Variants in SMIM36 observed in about 807,000 individuals in gnomAD.
SMIM36 encodes the protein small integral membrane protein 36.
chr17:55,474,484 G>T (rs919356016), intron 3 of SMIM36, among the ~76,000 whole-genome samples: 15 of 152,210 alleles, frequency 9.9e-5, no homozygotes, highest in African/African-American at 2.9e-4. Context: ...CTTGGAGTCC[G>T]GACATCTGTA....
At chr17:55,493,809 A>T (rs199601646) in intron 1 of SMIM36, among the ~76,000 whole-genome samples, 787 of 21,618 alleles carry the variant, frequency 0.036, 20 homozygotes, top group African/African-American at 0.15. Context: ...TCTCTCTCTC[A>T]AAAAAAAAAA....
the SMIM36 span, among the ~76,000 whole-genome samples, chr17:55,517,023 A>C: frequency 6.6e-6 from 1 of 152,204 alleles, no homozygotes; most frequent in Admixed American, 6.5e-5. Context: ...TCCAAGGCAG[A>C]AAGGGTTCAG....
intron 1 of SMIM36, among the ~76,000 whole-genome samples, chr17:55,489,239 G>A (rs575533554): frequency 1.3e-5 from 2 of 152,030 alleles, no homozygotes; most frequent in Admixed American, 6.6e-5. Context: ...TTAGCTAAGC[G>A]TGGTGGTGCA....
intron 1 of SMIM36, among the ~76,000 whole-genome samples, chr17:55,493,440 G>A (rs975638674): frequency 2.0e-5 from 3 of 152,152 alleles, no homozygotes; most frequent in African/African-American, 7.2e-5. Context: ...GTCAACTGAA[G>A]CAGAGGTGTT....
At chr17:55,497,761 T>C (rs1262297369) in intron 1 of SMIM36, among the ~76,000 whole-genome samples, 1 of 152,136 alleles carries the variant, frequency 6.6e-6, no homozygotes, top group African/African-American at 2.4e-5. Context: ...TTGTGCAGCA[T>C]CGATTTCCTA....
chr17:55,464,317 C>T (rs958915119), intron 4 of SMIM36, among the ~76,000 whole-genome samples: 1 of 152,074 alleles, frequency 6.6e-6, no homozygotes, highest in Admixed American at 6.6e-5. Context: ...TGAACAAGCT[C>T]GACCTAGGCC....
At chr17:55,531,034 T>G in the SMIM36 span, among the ~76,000 whole-genome samples, 1 of 152,208 alleles carries the variant, frequency 6.6e-6, no homozygotes, top group Admixed American at 6.5e-5. Context: ...TTGTAGATTT[T>G]GCGGACTTTC....
intron 1 of SMIM36, among the ~76,000 whole-genome samples, chr17:55,480,979 A>G (rs1334471590): frequency 6.6e-6 from 1 of 152,206 alleles, no homozygotes; most frequent in Non-Finnish European, 1.5e-5. Context: ...GTCATAGTAA[A>G]AAACTAGAAG....
intron 1 of SMIM36, among the ~76,000 whole-genome samples, chr17:55,480,960 T>G (rs1344430082): frequency 6.6e-6 from 1 of 152,238 alleles, no homozygotes; most frequent in African/African-American, 2.4e-5. Flanking sequence ...TGAATTTAGC[T>G]GTCTTACAGT....
chr17:55,456,621 A>G (rs999781209), intron 4 of SMIM36, among the ~76,000 whole-genome samples: 1 of 152,188 alleles, frequency 6.6e-6, no homozygotes, highest in Non-Finnish European at 1.5e-5. Context: ...TTCAAGGACA[A>G]TGTGATTGTT....
upstream of SMIM36, among the ~76,000 whole-genome samples, chr17:55,512,229 A>C (rs1910193858): frequency 6.6e-6 from 1 of 152,232 alleles, no homozygotes; most frequent in African/African-American, 2.4e-5. Context: ...AGAACTGCAT[A>C]TGTGAAGACC....
intron 1 of SMIM36, among the ~76,000 whole-genome samples, chr17:55,491,070 C>G (rs1280947529): frequency 1.3e-5 from 2 of 151,862 alleles, no homozygotes; most frequent in African/African-American, 4.8e-5. Context: ...GCCTGGGCAA[C>G]ATAGTAAGAC....
intron 4 of SMIM36, among the ~76,000 whole-genome samples, chr17:55,456,070 A>C (rs559406960): frequency 7.2e-6 from 1 of 139,566 alleles, no homozygotes; most frequent in East Asian, 2.3e-4. Context: ...GTGAGCCAAG[A>C]CCGCACCATT....
chr17:55,457,699 G>T (rs1473365728), intron 4 of SMIM36, among the ~76,000 whole-genome samples: 1 of 151,548 alleles, frequency 6.6e-6, no homozygotes, highest in South Asian at 2.1e-4. Flanking sequence ...GCTAATTTTT[G>T]TATTTTTAGT....
At chr17:55,493,622 C>A (rs1909751893) in intron 1 of SMIM36, among the ~76,000 whole-genome samples, 1 of 151,862 alleles carries the variant, frequency 6.6e-6, no homozygotes, top group Non-Finnish European at 1.5e-5. Flanking sequence ...CCAGCCTGGG[C>A]AACGTGGTGA....
chr17:55,504,131 C>T (rs1368551876), intron 1 of SMIM36, among the ~76,000 whole-genome samples: 1 of 118,048 alleles, frequency 8.5e-6, no homozygotes. Flanking sequence ...TTATGGGAGA[C>T]TTTAACACCC....
exon 4 of SMIM36, chr17:55,467,209 C>T (rs1194893537): frequency 6.6e-6 from 1 of 152,228 alleles, no homozygotes; most frequent in Non-Finnish European, 1.5e-5. Context: ...GATGGTTTCC[C>T]ATGACAGTAA....
chr17:55,500,554 C>G (rs1318324155), intron 1 of SMIM36, among the ~76,000 whole-genome samples: 2 of 151,384 alleles, frequency 1.3e-5, no homozygotes, highest in Non-Finnish European at 2.9e-5. Flanking sequence ...TCAAATGAAC[C>G]AGAGGCTTGG....
chr17:55,492,560 C>G (rs1331506628), intron 1 of SMIM36, among the ~76,000 whole-genome samples: 2 of 151,482 alleles, frequency 1.3e-5, no homozygotes, highest in Non-Finnish European at 2.9e-5. Context: ...GCCCGGCTTC[C>G]CCTTGATATT....
Sources: gnomAD v4.1 joint callset for allele counts (sites outside exome capture counted in the v4.1 genomes callset) on GRCh38, gnomAD v4.1.1 for gene constraint, MANE v1.5 for transcripts, NCBI Gene and HGNC (gene_info 2026-07-23, HGNC 2026-07-21) for gene names.